PLCB1: variants seen among roughly 807,000 people sequenced by gnomAD.
PLCB1 encodes phospholipase C beta 1, also known as 1-phosphatidylinositol 4,5-bisphosphate phosphodiesterase beta-1.
A neutral mutation model predicts 161.8 loss-of-function variants in PLCB1; 46 were observed. That is an observed-to-expected ratio of 0.28 (90% CI 0.22 to 0.36). The LOEUF is 0.36. Ranked by LOEUF, PLCB1 falls within the 10% of genes least tolerant of loss-of-function variation. The pLI is 1.00. For synonymous variants in PLCB1, 517 were observed against 503.7 expected (o/e 1.03, Z -0.35); for missense variants, 1,016 against 1,472.5 (o/e 0.69, Z 5.07).
chr20:8,433,903 T>C (rs1299115352), intron 3 of PLCB1, among the ~76,000 whole-genome samples: 1 of 152,170 alleles, frequency 6.6e-6, no homozygotes, highest in Non-Finnish European at 1.5e-5. Context: ...ATAAGCTCTT[T>C]CTCTGGAAGA....
chr20:8,693,541 T>C (rs1034593063), intron 10 of PLCB1, among the ~76,000 whole-genome samples: 1 of 152,176 alleles, frequency 6.6e-6, no homozygotes, highest in Non-Finnish European at 1.5e-5. Flanking sequence ...AGCAAGGAAA[T>C]GTAGTCCTCA....
chr20:8,330,743 G>C (rs1404172292), intron 2 of PLCB1, among the ~76,000 whole-genome samples: 1 of 152,198 alleles, frequency 6.6e-6, no homozygotes, highest in Non-Finnish European at 1.5e-5. Flanking sequence ...TCTGAAGATG[G>C]TGTCTGGACA....
intron 3 of PLCB1, among the ~76,000 whole-genome samples, chr20:8,618,646 A>G (rs533027642): frequency 1.3e-5 from 2 of 152,294 alleles, no homozygotes; most frequent in South Asian, 4.1e-4. Context: ...AGAGATGACA[A>G]CTTTGGTCTT....
intron 3 of PLCB1, among the ~76,000 whole-genome samples, chr20:8,570,381 C>T (rs896550966): frequency 4.6e-5 from 7 of 151,984 alleles, no homozygotes; most frequent in African/African-American, 1.7e-4. Flanking sequence ...CCAATATCTA[C>T]GGTAATATAT....
chr20:8,416,929 T>C (rs1328315321), intron 3 of PLCB1, among the ~76,000 whole-genome samples: 2 of 126,398 alleles, frequency 1.6e-5, no homozygotes, highest in Non-Finnish European at 3.3e-5. Context: ...AGAGACAGAA[T>C]ACACACACAC....
chr20:8,834,810 GAAAAAAA>G (rs10568816), intron 31 of PLCB1, among the ~76,000 whole-genome samples: 8 of 85,594 alleles, frequency 9.3e-5, no homozygotes, highest in South Asian at 4.4e-4. Flanking sequence ...CTCTGCCTCA[GAAAAAAA>G]AAAAAAAAAA....
At chr20:8,176,546 C>T (rs745710482) in intron 2 of PLCB1, among the ~76,000 whole-genome samples, 4 of 152,076 alleles carry the variant, frequency 2.6e-5, no homozygotes, top group African/African-American at 7.3e-5. Flanking sequence ...CTTGTGGTGA[C>T]GATACTGTTC....
intron 31 of PLCB1, among the ~76,000 whole-genome samples, chr20:8,823,396 T>A (rs1985531783): frequency 6.6e-6 from 1 of 152,158 alleles, no homozygotes; most frequent in African/African-American, 2.4e-5. Flanking sequence ...GTGCTAGGAT[T>A]ACAGGCCTGA....
chr20:8,325,999 C>G (rs1365428601), intron 2 of PLCB1, among the ~76,000 whole-genome samples: 1 of 152,156 alleles, frequency 6.6e-6, no homozygotes, highest in African/African-American at 2.4e-5. Flanking sequence ...CTGTATGAAG[C>G]TACAAGTACT....
intron 10 of PLCB1, among the ~76,000 whole-genome samples, chr20:8,686,692 C>T (rs565471038): frequency 7.9e-5 from 12 of 152,176 alleles, no homozygotes; most frequent in African/African-American, 2.9e-4. Flanking sequence ...TTTGAGAGAC[C>T]AAATTGTCTC....
At chr20:8,141,008 G>A (rs2051397230) in intron 1 of PLCB1, among the ~76,000 whole-genome samples, 1 of 152,042 alleles carries the variant, frequency 6.6e-6, no homozygotes, top group Non-Finnish European at 1.5e-5. Flanking sequence ...ATGTTGGTCA[G>A]GCTGGTCTCA....
At chr20:8,577,853 A>G (rs1986724088) in intron 3 of PLCB1, among the ~76,000 whole-genome samples, 1 of 152,080 alleles carries the variant, frequency 6.6e-6, no homozygotes, top group South Asian at 2.1e-4. Context: ...AATGCTTCCC[A>G]TATTAGGTTT....
intron 3 of PLCB1, among the ~76,000 whole-genome samples, chr20:8,480,662 G>C (rs1218112744): frequency 2.0e-5 from 3 of 152,180 alleles, no homozygotes; most frequent in African/African-American, 7.2e-5. Context: ...TCTGACAGAG[G>C]CTGGACTAAG....
intron 2 of PLCB1, among the ~76,000 whole-genome samples, chr20:8,247,131 C>T (rs991025150): frequency 6.6e-6 from 1 of 151,926 alleles, no homozygotes; most frequent in Non-Finnish European, 1.5e-5. Context: ...CATCCTCTCT[C>T]AATACTATCA....
At chr20:8,354,498 T>G (rs1986296092) in intron 2 of PLCB1, among the ~76,000 whole-genome samples, 1 of 152,188 alleles carries the variant, frequency 6.6e-6, no homozygotes, top group Non-Finnish European at 1.5e-5. Context: ...TACTTCGTAA[T>G]TTTTAAATTG....
At chr20:8,689,511 G>A (rs972467194) in intron 10 of PLCB1, among the ~76,000 whole-genome samples, 1 of 152,054 alleles carries the variant, frequency 6.6e-6, no homozygotes, top group Non-Finnish European at 1.5e-5. Flanking sequence ...TCATTAAGGT[G>A]TGTCCCTTGT....
At chr20:8,659,368 G>A (rs986605965) in intron 9 of PLCB1, among the ~76,000 whole-genome samples, 2 of 152,044 alleles carry the variant, frequency 1.3e-5, no homozygotes. Context: ...ACTATATGTG[G>A]CAGCACTGTC....
chr20:8,558,470 T>C (rs1427719558), intron 3 of PLCB1, among the ~76,000 whole-genome samples: 1 of 151,252 alleles, frequency 6.6e-6, no homozygotes, highest in Non-Finnish European at 1.5e-5. Context: ...CATAACAATG[T>C]AAGGGGAGTC....
Position 8,182,874 on chromosome 20 carries a change from C to G in PLCB1, c.177+32503C>G, listed in dbSNP as rs550901647. 1.6e-3 allele frequency among the ~76,000 whole-genome samples: 246 copies of G among 152,206 alleles called. 1 individual carries two copies. The highest frequency in any genetic ancestry group is 5.7e-3 in the African/African-American group (238 of 41,532). The stretch of plus-strand genomic sequence containing the variant: ...GGGATTACAGGTGTGAGCCACCGTG[C>G]CTGGCTGCACAGTTGATTATCTTAT... On this transcript the variant is annotated intron_variant, in intron 2 of 31. Transcript: ENST00000338037.
Sources: allele counts gnomAD v4.1 joint callset (sites outside exome capture counted in the v4.1 genomes callset), GRCh38; gene constraint gnomAD v4.1.1; transcripts MANE v1.5; gene names NCBI Gene and HGNC (gene_info 2026-07-23, HGNC 2026-07-21).